TBC1D5: variants seen among roughly 807,000 people sequenced by gnomAD.
The protein encoded by TBC1D5 is TBC1 domain family, member 5.
Under a neutral mutation model 100.3 loss-of-function variants are expected in TBC1D5, and 75 were observed. That is an observed-to-expected ratio of 0.75 (90% CI 0.62 to 0.91). The LOEUF is 0.91. Ranked by LOEUF, TBC1D5 falls within the 40% of genes least tolerant of loss-of-function variation. The pLI, the probability that TBC1D5 is intolerant of heterozygous loss-of-function variation, is 0.00. For missense variants in TBC1D5, 910 were observed against 942.4 expected, an observed-to-expected ratio of 0.97 and a Z score of 0.45; for synonymous variants, 323 against 325.6, an observed-to-expected ratio of 0.99 and a Z score of 0.09.
chr3:17,312,519 T>G (rs1386997413), intron 13 of TBC1D5, among the ~76,000 whole-genome samples: 1 of 152,184 alleles, frequency 6.6e-6, no homozygotes, highest in Non-Finnish European at 1.5e-5. Flanking sequence ...CTAAGTGTTC[T>G]TTGTAATCCA....
intron 2 of TBC1D5, among the ~76,000 whole-genome samples, chr3:17,604,190 G>A (rs948383975): frequency 6.6e-6 from 1 of 152,086 alleles, no homozygotes; most frequent in Non-Finnish European, 1.5e-5. Flanking sequence ...AAACTCCTTG[G>A]TTCAAGTGAT....
At chr3:17,490,235 A>G (rs1199193901) in intron 3 of TBC1D5, among the ~76,000 whole-genome samples, 1 of 151,994 alleles carries the variant, frequency 6.6e-6, no homozygotes, top group African/African-American at 2.4e-5. Context: ...TATAGACTCT[A>G]GATTTTAGAC....
intron 18 of TBC1D5, among the ~76,000 whole-genome samples, chr3:17,205,892 A>C (rs1022904394): frequency 1.3e-5 from 2 of 152,196 alleles, no homozygotes; most frequent in Admixed American, 6.5e-5. Flanking sequence ...GATGCTACTC[A>C]ACAGCTGAAT....
At chr3:17,347,010 A>G (rs1456159544) in intron 13 of TBC1D5, among the ~76,000 whole-genome samples, 2 of 152,224 alleles carry the variant, frequency 1.3e-5, no homozygotes, top group Non-Finnish European at 2.9e-5. Context: ...GTTAGCTGAC[A>G]TTGTATGTAA....
chr3:17,662,657 T>C (rs1353207391), intron 1 of TBC1D5, among the ~76,000 whole-genome samples: 1 of 152,210 alleles, frequency 6.6e-6, no homozygotes, highest in Non-Finnish European at 1.5e-5. Flanking sequence ...AGCCCTCTGA[T>C]TAGCTAAAGT....
intron 18 of TBC1D5, among the ~76,000 whole-genome samples, chr3:17,193,509 A>G (rs2070248539): frequency 6.6e-6 from 1 of 152,180 alleles, no homozygotes; most frequent in Non-Finnish European, 1.5e-5. Context: ...TGGGGTATGG[A>G]TTACAAATAT....
chr3:17,453,939 A>G (rs1490824739), intron 3 of TBC1D5, among the ~76,000 whole-genome samples: 1 of 152,214 alleles, frequency 6.6e-6, no homozygotes, highest in East Asian at 1.9e-4. Flanking sequence ...TTTATCTCAG[A>G]GATGCAAGTA....
At chr3:17,549,284 G>C (rs758597542) in intron 2 of TBC1D5, among the ~76,000 whole-genome samples, 6 of 152,138 alleles carry the variant, frequency 3.9e-5, no homozygotes, top group South Asian at 2.1e-4. Flanking sequence ...CTGGGCAAGA[G>C]AGCGACACTC....
rs190878017 is a variant in TBC1D5, at chr3:17,318,478, C to T, written c.996-10344G>A. Among the ~76,000 whole-genome samples the T allele has an allele frequency of 3.5e-3, 533 of 152,268 alleles. 4 individuals are homozygous for T. The highest frequency in any genetic ancestry group is 9.9e-3 in the Admixed American group (151 of 15,298). On this transcript the variant is annotated intron_variant, in intron 13 of 21. Transcript: ENST00000253692. The stretch of plus-strand genomic sequence containing the variant: ...CTGTGGAATACATGCATTAGAACCA[C>T]TTGGGGGAAAAATTCTTGCATGTTT...
chr3:17,166,671 G>T, intron 21 of TBC1D5, 96 bp downstream of exon 22: 1 of 1,496,590 alleles, frequency 6.7e-7, no homozygotes, highest in Non-Finnish European at 9.0e-7. Flanking sequence ...ATGGTAATTT[G>T]AAGTAACTTT....
At chr3:17,705,983 C>CTT (rs34439427) in intron 1 of TBC1D5, 31,749 of 1,192,570 alleles carry the variant, frequency 0.027, 1 homozygote, top group East Asian at 0.082. Context: ...TTTCTTTACT[C>CTT]TTTTTTTTTT....
chr3:17,269,255 G>C (rs75205045), intron 15 of TBC1D5, among the ~76,000 whole-genome samples: 7,751 of 152,104 alleles, frequency 0.051, 658 homozygotes, highest in African/African-American at 0.18. Flanking sequence ...GGGGTCAGTG[G>C]GGAGAATGAA....
chr3:17,731,626 G>A (rs903445687), intron 1 of TBC1D5, among the ~76,000 whole-genome samples: 6 of 152,030 alleles, frequency 3.9e-5, no homozygotes, highest in Admixed American at 1.3e-4. Context: ...ACCTGGCTGC[G>A]GGGACACCAG....
chr3:17,597,767 T>C lies in TBC1D5; in HGVS notation c.-36+26082A>G, dbSNP rs115665136. ...ACTCACAGTCATTTTCCACTAACCA[T>C]AGTTGGTACTAAATTAGATCCCACA... On this transcript the variant is annotated intron_variant, in intron 2 of 21. Coordinates refer to ENST00000253692, the Ensembl canonical transcript of TBC1D5. Among the ~76,000 whole-genome samples, 1,232 of 152,294 alleles carry C rather than the reference T, an allele frequency of 8.1e-3. 21 individuals carry two copies. Among genetic ancestry groups the C allele is most frequent in the African/African-American group, 0.028 (1,162 of 41,550 alleles).
intron 16 of TBC1D5, among the ~76,000 whole-genome samples, chr3:17,247,592 G>A (rs957401765): frequency 6.6e-6 from 1 of 152,124 alleles, no homozygotes; most frequent in African/African-American, 2.4e-5. Context: ...GGTGGTTGTG[G>A]CAATTTCTTA....
rs1483714128 is a variant in TBC1D5 at position 17,442,768 on chromosome 3, C to T, written c.98-14249G>A. On this transcript the variant is annotated intron_variant, in intron 3 of 21. Transcript: ENST00000253692. ...AAGCATGGAAAGGACTTTGAAACTG[C>T]TGACACTGGAACCTCCACCCACAGA... 3.9e-5 allele frequency among the ~76,000 whole-genome samples: 6 copies of T among 152,316 alleles called. No individual in the cohort carries two copies. In the East Asian group the frequency reaches 1.2e-3, roughly 29 times the overall value.
chr3:17,233,736 C>T (rs1446939605), intron 17 of TBC1D5: 2 of 1,543,844 alleles, frequency 1.3e-6, no homozygotes, highest in South Asian at 1.2e-5. Context: ...GCATCGCTTC[C>T]TGTAACTACA....
At chr3:17,636,201 T>A (rs953199450) in intron 1 of TBC1D5, among the ~76,000 whole-genome samples, 4 of 151,812 alleles carry the variant, frequency 2.6e-5, no homozygotes, top group Non-Finnish European at 5.9e-5. Flanking sequence ...AAAAAAAGAA[T>A]GTTTTTCAGA....
At chr3:17,346,448 C>G (rs183518058) in intron 13 of TBC1D5, among the ~76,000 whole-genome samples, 88 of 152,120 alleles carry the variant, frequency 5.8e-4, no homozygotes, top group African/African-American at 2.1e-3. Flanking sequence ...GTTACTAATC[C>G]TTTTCCTATT....
Sources: gnomAD v4.1 joint callset for allele counts (sites outside exome capture counted in the v4.1 genomes callset) on GRCh38, gnomAD v4.1.1 for gene constraint, MANE v1.5 for transcripts, NCBI Gene and HGNC (gene_info 2026-07-23, HGNC 2026-07-21) for gene names.